Variants in KIAA1217 observed in about 807,000 individuals in gnomAD.
KIAA1217 encodes the protein KIAA1217.
Under a neutral mutation model 163.9 loss-of-function variants are expected in KIAA1217, and 88 were observed. The ratio of observed to expected loss-of-function variants is 0.54; its 90% confidence interval spans 0.45 to 0.64. The LOEUF is 0.64. Among genes scored for constraint, KIAA1217 ranks in the 30% least tolerant of loss-of-function variants. KIAA1217 has a pLI of 0.00. For missense variants in KIAA1217, 2,372 were observed against 2,475.0 expected (o/e 0.96, Z 0.88); for synonymous variants, 903 against 923.1 (o/e 0.98, Z 0.39).
chr10:24,462,436 G>A (rs1267939220), intron 5 of KIAA1217, among the ~76,000 whole-genome samples: 1 of 152,156 alleles, frequency 6.6e-6, no homozygotes, highest in East Asian at 1.9e-4. Flanking sequence ...TCACGCGTGG[G>A]CAGGCATGAG....
At chr10:24,398,376 G>A (rs2130987068) in intron 3 of KIAA1217, among the ~76,000 whole-genome samples, 1 of 152,274 alleles carries the variant, frequency 6.6e-6, no homozygotes, top group South Asian at 2.1e-4. Context: ...GAAGCAAAAG[G>A]AAATCCACAT....
At chr10:23,869,525 TA>T (rs1455486008) in intron 1 of KIAA1217, among the ~76,000 whole-genome samples, 1 of 152,112 alleles carries the variant, frequency 6.6e-6, no homozygotes, top group Non-Finnish European at 1.5e-5. Context: ...TAAACTGCAT[TA>T]TTTATACATG....
chr10:23,933,477 A>G (rs1843341595), intron 1 of KIAA1217, among the ~76,000 whole-genome samples: 1 of 152,150 alleles, frequency 6.6e-6, no homozygotes, highest in Non-Finnish European at 1.5e-5. Context: ...ATGATCACTA[A>G]GTTTTTTTCC....
chr10:23,850,424 A>G (rs895105088), intron 1 of KIAA1217, among the ~76,000 whole-genome samples: 9 of 152,122 alleles, frequency 5.9e-5, no homozygotes, highest in African/African-American at 1.9e-4. Context: ...ATGCCAGCTG[A>G]CAATTTCCAC....
chr10:23,924,279 A>T lies in KIAA1217; in HGVS notation c.-320-82946A>T, dbSNP rs551632506. On this transcript the variant is annotated intron_variant, in intron 1 of 18. Transcript: ENST00000376462. Reference sequence around the variant, plus strand: ...GATAACTGTCTTTACTTTTTAAAGTAATTAGAGGAAAGTTGATGAAAATCT... The same window carrying T: ...GATAACTGTCTTTACTTTTTAAAGTTATTAGAGGAAAGTTGATGAAAATCT... Among the ~76,000 whole-genome samples the T allele has an allele frequency of 2.6e-5, 4 of 152,164 alleles. No individual in the cohort carries two copies. In the East Asian group the frequency reaches 7.7e-4, roughly 29 times the overall value.
chr10:24,374,363 C>T (rs1263275826), intron 2 of KIAA1217, among the ~76,000 whole-genome samples: 1 of 152,158 alleles, frequency 6.6e-6, no homozygotes, highest in Non-Finnish European at 1.5e-5. Flanking sequence ...TGCTCACATC[C>T]AGCATCCAGA....
chr10:23,855,404 C>A (rs147305474), intron 1 of KIAA1217, among the ~76,000 whole-genome samples: 1 of 152,150 alleles, frequency 6.6e-6, no homozygotes, highest in African/African-American at 2.4e-5. Flanking sequence ...TGATGGGATT[C>A]CCTTTGTGGG....
intron 6 of KIAA1217, among the ~76,000 whole-genome samples, chr10:24,483,470 T>C (rs944621641): frequency 2.6e-5 from 4 of 152,224 alleles, no homozygotes; most frequent in Admixed American, 2.0e-4. Flanking sequence ...CCTCACATTT[T>C]GTCTTTGCAA....
At chr10:24,314,670 A>C (rs576116402) in intron 2 of KIAA1217, among the ~76,000 whole-genome samples, 98 of 152,298 alleles carry the variant, frequency 6.4e-4, no homozygotes, top group African/African-American at 2.3e-3. Context: ...GGCCGGGTGC[A>C]GTGGCTCACG....
intron 2 of KIAA1217, among the ~76,000 whole-genome samples, chr10:24,026,742 A>ATTTTTTTTTTTTTTTTTTTTTTTTTTTTT: frequency 1.4e-5 from 1 of 70,094 alleles, no homozygotes. Flanking sequence ...TATTTCATTG[A>ATTTTTTTTTTTTTTTTTTTTTTTTTTTTT]TTTTTTTTTT....
At position 23,886,062 on chromosome 10, in the gene KIAA1217, GTGTGAT is replaced by G. The variant is rs776775464; in HGVS notation, c.-320-121158_-320-121153del. 1.7e-3 allele frequency among the ~76,000 whole-genome samples: 263 copies of G among 151,968 alleles called. 2 individuals are homozygous for G. The highest frequency in any genetic ancestry group is 3.4e-3 in the Middle Eastern group (1 of 294). On this transcript the variant is annotated intron_variant, in intron 1 of 18. Coordinates refer to the KIAA1217 transcript ENST00000376462. ...ACGCGTATTTCCTGTTCAGCTCTGG[GTGTGAT>G]TGTGTGGGTGATGCCTTCAGTGCCG...
chr10:24,516,911 G>A (rs2070269054), intron 10 of KIAA1217, among the ~76,000 whole-genome samples: 1 of 152,170 alleles, frequency 6.6e-6, no homozygotes, highest in Admixed American at 6.5e-5. Context: ...TGTAACCCCA[G>A]CACTTTGGGA....
intron 2 of KIAA1217, among the ~76,000 whole-genome samples, chr10:24,139,219 T>C (rs1408001739): frequency 6.6e-6 from 1 of 152,140 alleles, no homozygotes; most frequent in Non-Finnish European, 1.5e-5. Flanking sequence ...CCTAGTTTAT[T>C]GAATGTTCCC....
intron 2 of KIAA1217, among the ~76,000 whole-genome samples, chr10:24,338,631 T>C (rs1010829225): frequency 2.0e-5 from 3 of 152,272 alleles, no homozygotes; most frequent in Admixed American, 6.5e-5. Flanking sequence ...TGTCTGTGTC[T>C]GACCTAAAAC....
At chr10:23,745,988 T>C (rs1839392930) in intron 1 of KIAA1217, among the ~76,000 whole-genome samples, 1 of 152,214 alleles carries the variant, frequency 6.6e-6, no homozygotes, top group South Asian at 2.1e-4. Context: ...CTACACTGAA[T>C]GTCATTCACC....
chr10:23,750,198 T>C lies in KIAA1217; in HGVS notation c.-321+54964T>C, dbSNP rs562684819. ...TATCCAAACTGTCAGCTTTCTAAAATGAAAATCTGATCATGTCATTCTTCT... is the reference window on the plus strand; with the variant it reads ...TATCCAAACTGTCAGCTTTCTAAAACGAAAATCTGATCATGTCATTCTTCT... On this transcript the variant is annotated intron_variant, in intron 1 of 18. Transcript: ENST00000376462. Among the ~76,000 whole-genome samples, 12 of 152,334 alleles carry C rather than the reference T, an allele frequency of 7.9e-5. No individual in the cohort carries two copies. The South Asian group carries it at 1.4e-3, about 18-fold the overall frequency.
intron 3 of KIAA1217, among the ~76,000 whole-genome samples, chr10:24,430,762 C>G (rs2059542413): frequency 6.6e-6 from 1 of 152,176 alleles, no homozygotes; most frequent in South Asian, 2.1e-4. Context: ...TGCTGCTGAT[C>G]TGACAGGAGG....
chr10:24,533,192 G>A lies in KIAA1217; in HGVS notation c.3369G>A (p.Glu1123=). The change falls in exon 16 of 21, where the codon GAG becomes GAA. Residue 1123 remains glutamate (E), a synonymous_variant. Transcript: ENST00000376454. ...PPVTTSSSKD[E]EEEEEEGDKI... Reference sequence around the variant, plus strand: ...TCACCACCTCCTCCTCAAAGGATGAGGAGGAAGAAGAAGAAGAAGGAGACA... The same window carrying A: ...TCACCACCTCCTCCTCAAAGGATGAAGAGGAAGAAGAAGAAGAAGGAGACA... 1 of 1,613,388 alleles carries A rather than the reference G, an allele frequency of 6.2e-7. No homozygotes were observed. The highest frequency in any genetic ancestry group is 8.5e-7 in the Non-Finnish European group (1 of 1,179,786).
intron 2 of KIAA1217, among the ~76,000 whole-genome samples, chr10:24,331,139 CCCTGTGTTG>C (rs2045617831): frequency 6.6e-6 from 1 of 151,816 alleles, no homozygotes; most frequent in Non-Finnish European, 1.5e-5. Context: ...GACAGGGTCT[CCCTGTGTTG>C]CCTAGGCTGG....
Sources: allele counts gnomAD v4.1 joint callset (sites outside exome capture counted in the v4.1 genomes callset), GRCh38; gene constraint gnomAD v4.1.1; transcripts MANE v1.5; gene names NCBI Gene and HGNC (gene_info 2026-07-23, HGNC 2026-07-21).